The following GALNT14 variants were observed in gnomAD, a reference collection of about 807,000 sequenced individuals.
The protein encoded by GALNT14 is polypeptide N-acetylgalactosaminyltransferase 14.
In GALNT14, 60 loss-of-function variants were observed where a neutral mutation model predicts 77.5. The ratio of observed to expected loss-of-function variants is 0.77; its 90% CI spans 0.63 to 0.96. GALNT14 has a LOEUF of 0.96. Ranked by LOEUF, GALNT14 falls within the 40% of genes least tolerant of loss-of-function variation. The pLI, the probability that GALNT14 is intolerant of heterozygous loss-of-function variation, is 0.00. For missense variants in GALNT14, 710 were observed against 731.0 expected (o/e 0.97, Z 0.33); for synonymous variants, 280 against 281.7 (o/e 0.99, Z 0.06).
intron 1 of GALNT14, among the ~76,000 whole-genome samples, chr2:31,019,118 G>A (rs374664103): frequency 9.2e-5 from 14 of 152,074 alleles, no homozygotes; most frequent in African/African-American, 2.9e-4. Flanking sequence ...CTGGCATAAG[G>A]CAGCCAGACT....
downstream of GALNT14, among the ~76,000 whole-genome samples, chr2:30,908,149 A>G (rs1393149643): frequency 1.4e-5 from 2 of 143,260 alleles, no homozygotes; most frequent in Non-Finnish European, 3.1e-5. Flanking sequence ...GAAAACTGGC[A>G]CAAGACAGGG....
rs73921199 is a variant in GALNT14 at position 30,937,249 on chromosome 2, C to G, written c.931+4952G>C. Among the ~76,000 whole-genome samples the G allele has an allele frequency of 1.6e-3, 238 of 152,352 alleles. 2 individuals are homozygous for G. Among genetic ancestry groups the G allele is most frequent in the African/African-American group, 5.6e-3 (234 of 41,582 alleles). On this transcript the variant is annotated intron_variant, in intron 9 of 14. Coordinates refer to ENST00000349752, the MANE Select transcript of GALNT14 (RefSeq NM_024572.4). The stretch of plus-strand genomic sequence containing the variant: ...TCTCTGAAAGAGAAGGCAGCTCACC[C>G]TGGTGGAGAACAGGCACTTTCATTA...
intron 1 of GALNT14, among the ~76,000 whole-genome samples, chr2:31,023,209 A>G (rs1039003401): frequency 6.6e-6 from 1 of 152,210 alleles, no homozygotes; most frequent in African/African-American, 2.4e-5. Context: ...GCTCAAACCA[A>G]AATTGAGAAT....
chr2:31,068,549 C>T (rs1675139878), intron 1 of GALNT14, among the ~76,000 whole-genome samples: 1 of 150,276 alleles, frequency 6.7e-6, no homozygotes, highest in African/African-American at 2.4e-5. Context: ...AGGTCCATAA[C>T]TAATAGCAAA....
chr2:31,078,433 C>A (rs779881338), intron 1 of GALNT14, among the ~76,000 whole-genome samples: 2 of 152,146 alleles, frequency 1.3e-5, no homozygotes, highest in Non-Finnish European at 2.9e-5. Flanking sequence ...TAAGAAAACC[C>A]TATTATTGTT....
chr2:31,026,856 C>G (rs994065476), intron 1 of GALNT14, among the ~76,000 whole-genome samples: 1 of 152,204 alleles, frequency 6.6e-6, no homozygotes, highest in Non-Finnish European at 1.5e-5. Flanking sequence ...CTCAGTCTTC[C>G]CAGGGCTGCC....
At chr2:31,023,292 A>G (rs1671840156) in intron 1 of GALNT14, among the ~76,000 whole-genome samples, 1 of 152,108 alleles carries the variant, frequency 6.6e-6, no homozygotes, top group Non-Finnish European at 1.5e-5. Flanking sequence ...TTAGGTTAAG[A>G]CCACAGCATG....
chr2:30,892,451 G>C, the GALNT14 span, among the ~76,000 whole-genome samples: 2 of 152,186 alleles, frequency 1.3e-5, no homozygotes, highest in Non-Finnish European at 2.9e-5. Flanking sequence ...ATATCAGACT[G>C]CTTGGGGGCA....
At chr2:31,136,846 G>C (rs1002251928) in intron 1 of GALNT14, among the ~76,000 whole-genome samples, 3 of 152,118 alleles carry the variant, frequency 2.0e-5, no homozygotes, top group Non-Finnish European at 4.4e-5. Context: ...CTACTTATGA[G>C]GAAGGCACCT....
intron 1 of GALNT14, among the ~76,000 whole-genome samples, chr2:31,133,266 A>G (rs1228553714): frequency 6.6e-6 from 1 of 152,220 alleles, no homozygotes; most frequent in East Asian, 1.9e-4. Context: ...GGGCAACAAG[A>G]ACCCGTTGGA....
At chr2:30,966,947 G>C (rs568494571) in intron 2 of GALNT14, among the ~76,000 whole-genome samples, 8 of 152,328 alleles carry the variant, frequency 5.3e-5, no homozygotes, top group African/African-American at 1.9e-4. Context: ...CGCTGCAAGT[G>C]AAAATTGTAG....
At chr2:30,980,086 G>A (rs1318549424) in intron 2 of GALNT14, among the ~76,000 whole-genome samples, 1 of 152,162 alleles carries the variant, frequency 6.6e-6, no homozygotes, top group Non-Finnish European at 1.5e-5. Context: ...AGCCAAGGCC[G>A]AGGCCCAGAG....
At chr2:30,893,509 A>G in the GALNT14 span, among the ~76,000 whole-genome samples, 2 of 152,256 alleles carry the variant, frequency 1.3e-5, 1 homozygote, top group South Asian at 4.1e-4. Context: ...AAATTATTTT[A>G]TAAACATGTC....
intron 1 of GALNT14, among the ~76,000 whole-genome samples, chr2:31,018,948 C>T (rs1443932646): frequency 6.6e-6 from 1 of 152,130 alleles, no homozygotes; most frequent in Non-Finnish European, 1.5e-5. Flanking sequence ...GAATGAGTGA[C>T]CCCAGGCCCC....
chr2:31,087,529 G>GAGAGGAGAGGAGAGGAGAA (rs1676505625), intron 1 of GALNT14, among the ~76,000 whole-genome samples: 1 of 41,038 alleles, frequency 2.4e-5, no homozygotes, highest in African/African-American at 1.5e-4. Flanking sequence ...GGAGAGGCGA[G>GAGAGGAGAGGAGAGGAGAA]GAGAGGAAGA....
Position 31,057,293 on chromosome 2 carries a change from T to TTATATATATA in GALNT14, c.130-64296_130-64287dup, listed in dbSNP as rs10638502. On this transcript the variant is annotated intron_variant, in intron 1 of 14. Transcript: ENST00000349752. ...GCCCTATGAATCTAAAAAGTTGAAA[T>TTATATATATA]TATATATATATATATATATATATAA... is the stretch of plus-strand genomic sequence containing the variant. Among the ~76,000 whole-genome samples, 169 of 128,964 alleles carry TTATATATATA rather than the reference T, an allele frequency of 1.3e-3. 1 individual carries two copies. The highest frequency in any genetic ancestry group is 4.6e-3 in the East Asian group (20 of 4,378). The allele number at this position is 128,964 out of a possible 152,430, so 84.6% of individuals were successfully genotyped here.
intron 1 of GALNT14, among the ~76,000 whole-genome samples, chr2:31,026,746 T>G (rs1476095029): frequency 6.6e-6 from 1 of 152,226 alleles, no homozygotes; most frequent in Non-Finnish European, 1.5e-5. Flanking sequence ...CCAAGGTTTC[T>G]TCCAGTCTGA....
chr2:31,138,042 C>T lies in GALNT14; in HGVS notation c.45G>A (p.Val15=). 1.2e-6 allele frequency: 2 copies of T among 1,613,868 alleles called. No individual in the cohort carries two copies. Among genetic ancestry groups the T allele is most frequent in the African/African-American group, 1.3e-5 (1 of 75,050 alleles). The change falls in exon 1 of 15, where the codon GTG becomes GTA. Residue 15 remains valine (V), a synonymous_variant. Coordinates refer to ENST00000349752, the MANE Select transcript of GALNT14 (RefSeq NM_024572.4). ...AGAACAGCAGCACCGTGATCCAGAG[C>T]ACCCCGAAGACTGGCAGAACCAGCC... ...TRRLVLPVFG[V]LWITVLLFFW... is the part of the protein sequence containing the mutation.
chr2:31,116,714 A>C (rs939153242), intron 1 of GALNT14, among the ~76,000 whole-genome samples: 2 of 152,202 alleles, frequency 1.3e-5, no homozygotes, highest in African/African-American at 4.8e-5. Flanking sequence ...ATATTTATCT[A>C]ATACATATAT....
Sources: allele counts gnomAD v4.1 joint callset (sites outside exome capture counted in the v4.1 genomes callset), GRCh38; gene constraint gnomAD v4.1.1; transcripts MANE v1.5; gene names NCBI Gene and HGNC (gene_info 2026-07-23, HGNC 2026-07-21).